Variants in CNTNAP2 observed in about 807,000 individuals in gnomAD.
The protein encoded by CNTNAP2 is contactin associated protein 2, also known as contactin-associated protein-like 2.
Under a neutral mutation model 155.2 loss-of-function variants are expected in CNTNAP2, and 98 were observed. The ratio of observed to expected loss-of-function variants is 0.63; its 90% CI spans 0.54 to 0.75. CNTNAP2 has a LOEUF of 0.75. Ranked by LOEUF, CNTNAP2 falls within the 30% of genes least tolerant of loss-of-function variation. The pLI is 0.00. For synonymous variants in CNTNAP2, 651 were observed against 631.2 expected, an observed-to-expected ratio of 1.03 and a Z score of -0.47; for missense variants, 1,727 against 1,688.1, an observed-to-expected ratio of 1.02 and a Z score of -0.40.
At chr7:147,871,790 A>C (rs1363878868) in intron 13 of CNTNAP2, among the ~76,000 whole-genome samples, 1 of 152,096 alleles carries the variant, frequency 6.6e-6, no homozygotes, top group African/African-American at 2.4e-5. Flanking sequence ...TCGTGGCCGA[A>C]TAGTTCGGGA....
At chr7:146,327,279 T>C (rs1801113747) in intron 1 of CNTNAP2, among the ~76,000 whole-genome samples, 1 of 152,236 alleles carries the variant, frequency 6.6e-6, no homozygotes, top group South Asian at 2.1e-4. Flanking sequence ...GACTGTACTG[T>C]AAACAATATG....
chr7:146,703,716 C>T (rs950599362), intron 1 of CNTNAP2, among the ~76,000 whole-genome samples: 1 of 152,070 alleles, frequency 6.6e-6, no homozygotes, highest in African/African-American at 2.4e-5. Context: ...TATAAGGGCA[C>T]TAATCCCATT....
chr7:147,136,041 T>C, intron 8 of CNTNAP2, among the ~76,000 whole-genome samples: 1 of 151,486 alleles, frequency 6.6e-6, no homozygotes, highest in East Asian at 1.9e-4. Flanking sequence ...AAAAAAAACC[T>C]ACCTTTTGAA....
At chr7:146,661,579 A>AT (rs71165024) in intron 1 of CNTNAP2, among the ~76,000 whole-genome samples, 117,240 of 152,010 alleles carry the variant, frequency 0.77, 45,907 homozygotes, top group South Asian at 0.88. Context: ...TGCTCTTGAG[A>AT]CTGTAAGTTG....
Position 147,429,175 on chromosome 7 carries a change from C to A in CNTNAP2, c.1670+33395C>A, listed in dbSNP as rs150431802. ...GTGTATATATATATATATATATACA[C>A]CACATTTTGTTTATCCACTTGTTGG... On this transcript the variant is annotated intron_variant, in intron 10 of 23. Transcript: ENST00000361727. Among the ~76,000 whole-genome samples the A allele has an allele frequency of 6.7e-3, 1,010 of 150,192 alleles. 11 individuals are homozygous for A. Among genetic ancestry groups the A allele is most frequent in the African/African-American group, 0.024 (947 of 40,088 alleles).
At chr7:148,359,517 A>G (rs1798579854) in intron 21 of CNTNAP2, among the ~76,000 whole-genome samples, 1 of 152,170 alleles carries the variant, frequency 6.6e-6, no homozygotes, top group Non-Finnish European at 1.5e-5. Context: ...CCTTTAGCCT[A>G]TGGGTCATTG....
intron 13 of CNTNAP2, among the ~76,000 whole-genome samples, chr7:147,867,213 A>G (rs1482702757): frequency 4.6e-5 from 7 of 152,128 alleles, no homozygotes; most frequent in African/African-American, 1.7e-4. Flanking sequence ...TATGAAGCTT[A>G]TTTTGGCTGG....
chr7:146,758,481 C>T (rs1802030400), intron 1 of CNTNAP2, among the ~76,000 whole-genome samples: 1 of 152,062 alleles, frequency 6.6e-6, no homozygotes. Context: ...CTGATAAAGT[C>T]ATACCAGAGA....
rs112347078 is a variant in CNTNAP2, at chr7:147,344,626, G to T, written c.1498+44336G>T. On this transcript the variant is annotated intron_variant, in intron 9 of 23. Transcript: ENST00000361727. ...GGTAAAACCCCATGATAAAACTTTT[G>T]TAGATACTTCAGCATTATGCAAATG... Among the ~76,000 whole-genome samples, 299 of 152,252 alleles carry T rather than the reference G, an allele frequency of 2.0e-3. 3 individuals are homozygous for T. Among genetic ancestry groups the T allele is most frequent in the African/African-American group, 6.9e-3 (287 of 41,560 alleles).
chr7:146,582,453 C>G (rs1798625746), intron 1 of CNTNAP2, among the ~76,000 whole-genome samples: 1 of 152,024 alleles, frequency 6.6e-6, no homozygotes, highest in South Asian at 2.1e-4. Flanking sequence ...CTAGAGAATG[C>G]TATAACTGCT....
chr7:147,920,315 C>T (rs907100644), intron 14 of CNTNAP2, among the ~76,000 whole-genome samples: 8 of 140,286 alleles, frequency 5.7e-5, no homozygotes, highest in African/African-American at 2.2e-4. Context: ...GAGATGGCAC[C>T]ACTGTACTCC....
Position 147,924,143 on chromosome 7 carries a change from CT to C in CNTNAP2, c.2255+20435del, listed in dbSNP as rs71527854. Among the ~76,000 whole-genome samples, 511 of 123,448 alleles carry C rather than the reference CT, an allele frequency of 4.1e-3. 10 individuals carry two copies. The highest frequency in any genetic ancestry group is 0.014 in the African/African-American group (440 of 31,530). The allele number at this position is 123,448 out of a possible 152,430, so 81.0% of individuals were successfully genotyped here. On this transcript the variant is annotated intron_variant, in intron 14 of 23. Coordinates refer to ENST00000361727, the MANE Select transcript of CNTNAP2 (RefSeq NM_014141.6). ...GCACTTTTTTCTTTTCTTTTCTTTT[CT>C]TTTTTTTTTTTTGAGACAGAGTTTC...
intron 1 of CNTNAP2, among the ~76,000 whole-genome samples, chr7:146,586,031 C>CAAAACA (rs112095798): frequency 3.7e-5 from 5 of 135,436 alleles, no homozygotes; most frequent in East Asian, 4.3e-4. Context: ...CAAAACAAAA[C>CAAAACA]AAACAAAAGA....
At chr7:146,716,714 A>T (rs1801194867) in intron 1 of CNTNAP2, among the ~76,000 whole-genome samples, 1 of 152,188 alleles carries the variant, frequency 6.6e-6, no homozygotes, top group Admixed American at 6.5e-5. Flanking sequence ...GGCCATTATA[A>T]TATCTGCCTA....
intron 10 of CNTNAP2, among the ~76,000 whole-genome samples, chr7:147,429,152 G>GTA (rs141561595): frequency 0.12 from 16,781 of 145,638 alleles, 1,088 homozygotes; most frequent in African/African-American, 0.19. Context: ...GTGTGTTTGT[G>GTA]TATATATATA....
At chr7:146,281,539 G>A (rs1009097874) in intron 1 of CNTNAP2, among the ~76,000 whole-genome samples, 1 of 152,188 alleles carries the variant, frequency 6.6e-6, no homozygotes, top group African/African-American at 2.4e-5. Flanking sequence ...GCTCACGCCT[G>A]TAATCCTAAC....
At chr7:146,975,751 C>G (rs531186885) in intron 3 of CNTNAP2, among the ~76,000 whole-genome samples, 28 of 152,252 alleles carry the variant, frequency 1.8e-4, no homozygotes, top group African/African-American at 6.7e-4. Flanking sequence ...TGCCAGAGCA[C>G]ACATTAGGGG....
chr7:147,242,767 T>TA (rs1446799502), intron 8 of CNTNAP2, among the ~76,000 whole-genome samples: 5 of 152,130 alleles, frequency 3.3e-5, no homozygotes, highest in African/African-American at 9.7e-5. Flanking sequence ...CACATTTCTC[T>TA]ACCCATCCCA....
At chr7:146,879,902 T>C (rs546289831) in intron 3 of CNTNAP2, among the ~76,000 whole-genome samples, 7 of 152,130 alleles carry the variant, frequency 4.6e-5, no homozygotes, top group Non-Finnish European at 8.8e-5. Context: ...GGCCTCACTA[T>C]CATGGCTGAA....
Sources: gnomAD v4.1 joint callset for allele counts (sites outside exome capture counted in the v4.1 genomes callset) on GRCh38, gnomAD v4.1.1 for gene constraint, MANE v1.5 for transcripts, NCBI Gene and HGNC (gene_info 2026-07-23, HGNC 2026-07-21) for gene names.